Variants in CATSPERE observed in about 807,000 individuals in gnomAD.
CATSPERE encodes catsper channel auxiliary subunit epsilon, also known as cation channel sperm-associated auxiliary subunit epsilon.
In CATSPERE, 93 loss-of-function variants were observed where a neutral mutation model predicts 114.1. That is an observed-to-expected ratio of 0.81 (90% CI 0.69 to 0.97). The LOEUF is 0.97. Among genes scored for constraint, CATSPERE ranks in the 50% least tolerant of loss-of-function variants. The pLI, the probability that CATSPERE is intolerant of heterozygous loss-of-function variation, is 0.00. For missense variants in CATSPERE, 1,058 were observed against 1,131.6 expected, an observed-to-expected ratio of 0.93 and a Z score of 0.93; for synonymous variants, 341 against 384.1, an observed-to-expected ratio of 0.89 and a Z score of 1.31.
chr1:244,452,353 T>C (rs1027876125), upstream of CATSPERE, among the ~76,000 whole-genome samples: 2 of 152,248 alleles, frequency 1.3e-5, no homozygotes, highest in African/African-American at 4.8e-5. Flanking sequence ...GGATTTGTCT[T>C]TATTAAGGAA....
rs756472022 is a variant in CATSPERE at position 244,635,454 on chromosome 1, A to G, written c.2649-35A>G. The G allele has an allele frequency of 3.4e-6, 5 of 1,460,794 alleles. No individual in the cohort carries two copies. The Admixed American group carries it at 6.7e-5, about 20-fold the overall frequency. The allele number at this position is 1,460,794 out of a possible 1,614,324, so 90.5% of individuals were successfully genotyped here. A position where few individuals can be genotyped will look rare whatever the true frequency, so the allele number is the denominator to read the frequency against. The stretch of plus-strand genomic sequence containing the variant: ...GAGCGTTTTAAAATATATTGTACTT[A>G]GTGTAATCTTTCATATTATTTTTCT... On this transcript the variant is annotated intron_variant, in intron 20 of 21. Coordinates refer to ENST00000366534, the MANE Select transcript of CATSPERE (RefSeq NM_001130957.2).
chr1:244,621,051 A>AATATATATAAAATATATATAAAAT (rs1558608619), intron 20 of CATSPERE, among the ~76,000 whole-genome samples: 1 of 75,396 alleles, frequency 1.3e-5, no homozygotes, highest in African/African-American at 7.6e-5. Context: ...TATATATATA[A>AATATATATAAAATATATATAAAAT]ATATATATAA....
chr1:244,589,022 C>T (rs555016601), intron 14 of CATSPERE, among the ~76,000 whole-genome samples: 16 of 152,250 alleles, frequency 1.1e-4, no homozygotes, highest in Admixed American at 6.5e-4. Flanking sequence ...CAGTGATTGC[C>T]CTAGAGAATC....
At chr1:244,549,422 T>TAA (rs1491177275) in intron 8 of CATSPERE, among the ~76,000 whole-genome samples, 1 of 1,774 alleles carries the variant, frequency 5.6e-4, no homozygotes, top group African/African-American at 6.3e-4. Context: ...TGTGTATGTC[T>TAA]ATATATATAT....
intron 7 of CATSPERE, among the ~76,000 whole-genome samples, chr1:244,514,234 G>A (rs574341271): frequency 6.8e-4 from 103 of 152,184 alleles, no homozygotes; most frequent in African/African-American, 2.3e-3. Context: ...AACATTTCAG[G>A]AATTAACTAT....
chr1:244,455,587 G>A (rs188341515), intron 1 of CATSPERE, among the ~76,000 whole-genome samples: 7 of 141,564 alleles, frequency 4.9e-5, no homozygotes, highest in Admixed American at 4.1e-4. Flanking sequence ...ATATTTAAAA[G>A]GCCTTTATGT....
intron 7 of CATSPERE, among the ~76,000 whole-genome samples, chr1:244,502,217 T>C (rs1362511138): frequency 6.6e-6 from 1 of 152,242 alleles, no homozygotes; most frequent in Non-Finnish European, 1.5e-5. Flanking sequence ...TGTGTTTTTC[T>C]GATATAGCTA....
At chr1:244,533,261 A>G (rs1037039712) in intron 8 of CATSPERE, among the ~76,000 whole-genome samples, 3 of 151,992 alleles carry the variant, frequency 2.0e-5, no homozygotes, top group African/African-American at 4.8e-5. Flanking sequence ...TAGGTTAAGC[A>G]TATTTCTTTT....
At chr1:244,506,401 G>T (rs1674818532) in intron 7 of CATSPERE, among the ~76,000 whole-genome samples, 1 of 152,046 alleles carries the variant, frequency 6.6e-6, no homozygotes. Flanking sequence ...AAACTTTTGG[G>T]TATATACCCA....
At chr1:244,553,382 T>C (rs544754511) in intron 9 of CATSPERE, among the ~76,000 whole-genome samples, 69 of 151,734 alleles carry the variant, frequency 4.5e-4, no homozygotes, top group Non-Finnish European at 2.8e-4. Flanking sequence ...ACCCCGTCTC[T>C]ACTAAAAATA....
chr1:244,507,651 G>T (rs767155088), intron 7 of CATSPERE, among the ~76,000 whole-genome samples: 1 of 151,832 alleles, frequency 6.6e-6, no homozygotes, highest in Non-Finnish European at 1.5e-5. Flanking sequence ...ATTTTGAGTT[G>T]ATATATATAT....
chr1:244,469,671 T>A (rs183196416), intron 2 of CATSPERE, among the ~76,000 whole-genome samples: 1 of 152,180 alleles, frequency 6.6e-6, no homozygotes, highest in African/African-American at 2.4e-5. Flanking sequence ...ATAAATTATC[T>A]TAACAATTTC....
At chr1:244,578,679 G>GTC (rs916810480) in intron 11 of CATSPERE, among the ~76,000 whole-genome samples, 31 of 145,200 alleles carry the variant, frequency 2.1e-4, no homozygotes, top group Non-Finnish European at 3.2e-4. Context: ...CTCTCTCTCT[G>GTC]TCTCTCTCTC....
At chr1:244,478,527 T>C (rs1264664797) in intron 4 of CATSPERE, among the ~76,000 whole-genome samples, 1 of 152,248 alleles carries the variant, frequency 6.6e-6, no homozygotes, top group Non-Finnish European at 1.5e-5. Flanking sequence ...CAAGTGTGCC[T>C]GAAGCTGCAG....
chr1:244,494,240 G>A (rs1279642479), intron 6 of CATSPERE, among the ~76,000 whole-genome samples: 1 of 151,858 alleles, frequency 6.6e-6, no homozygotes, highest in African/African-American at 2.4e-5. Flanking sequence ...AAGAAAATGT[G>A]GCACATATAC....
chr1:244,467,012 A>G (rs1194968478), intron 2 of CATSPERE, among the ~76,000 whole-genome samples: 1 of 152,212 alleles, frequency 6.6e-6, no homozygotes, highest in African/African-American at 2.4e-5. Flanking sequence ...CCTGCAATCT[A>G]GGGATAGCCT....
At chr1:244,467,102 G>A (rs1558309076) in intron 2 of CATSPERE, among the ~76,000 whole-genome samples, 1 of 152,118 alleles carries the variant, frequency 6.6e-6, no homozygotes, top group African/African-American at 2.4e-5. Flanking sequence ...GGTATCACTC[G>A]TAAATTAGAA....
intron 12 of CATSPERE, 113 bp from the exon 13 acceptor site, chr1:244,583,751 C>A: frequency 1.2e-6 from 1 of 826,844 alleles, no homozygotes; most frequent in Non-Finnish European, 1.9e-6. Flanking sequence ...TAGAAATTGG[C>A]GTGGGAGGTC....
rs35368295 is a variant in CATSPERE, at chr1:244,606,000, GA to G, written c.2403+214del. Among the ~76,000 whole-genome samples, 1,014 of 152,052 alleles carry G rather than the reference GA, an allele frequency of 6.7e-3. 6 individuals are homozygous for G. Among genetic ancestry groups the G allele is most frequent in the Non-Finnish European group, 9.0e-3 (609 of 67,958 alleles). ...ACATAAGACAGACATAAAGGGGTCAGAAAAAAAATAACATTTATAGTAGGAT... is the reference window on the plus strand; with the variant it reads ...ACATAAGACAGACATAAAGGGGTCAGAAAAAAATAACATTTATAGTAGGAT... On this transcript the variant is annotated intron_variant, in intron 18 of 21. Transcript: ENST00000366534.
Sources: gnomAD v4.1 joint callset for allele counts (sites outside exome capture counted in the v4.1 genomes callset) on GRCh38, gnomAD v4.1.1 for gene constraint, MANE v1.5 for transcripts, NCBI Gene and HGNC (gene_info 2026-07-23, HGNC 2026-07-21) for gene names.